The following PRR36 variants were observed in gnomAD, a reference collection of about 807,000 sequenced individuals.
PRR36 encodes the protein proline rich 36, also known as proline-rich protein 36.
A neutral mutation model predicts 58.6 loss-of-function variants in PRR36; 30 were observed. The ratio of observed to expected loss-of-function variants is 0.51; its 90% CI spans 0.38 to 0.69. The LOEUF (loss-of-function observed/expected upper bound fraction) is 0.69. Among genes scored for constraint, PRR36 ranks in the 30% least tolerant of loss-of-function variants. The pLI is 0.00. For synonymous variants in PRR36, 771 were observed against 829.3 expected, an observed-to-expected ratio of 0.93 and a Z score of 1.21; for missense variants, 1,692 against 1,805.6, an observed-to-expected ratio of 0.94 and a Z score of 1.14.
Position 7,872,630 on chromosome 19 carries a change from G to A in PRR36, c.614C>T (p.Pro205Leu). The change falls in exon 5 of 6, where the codon CCC becomes CTC. Residue 205 changes from proline (P) to leucine (L), a missense_variant. Pro to Leu is a moderately conservative substitution (Grantham distance 98, BLOSUM62 -3). This residue lies in a region of PRR36 where 975 missense variants were observed against 955.2 expected (regional missense o/e 1.02). Transcript: ENST00000618550. This position sits in a 1 kb window ranked among gnomAD's most constrained non-coding sequence, Gnocchi z 6.1. ...SARPRPPTEG[P>L]RKSVSSASEH... ...CGAGGCGCTGCTCACTGATTTCCGG[G>A]GGCCCTCTGTCGGGGGCCGTGGCCG... The A allele has an allele frequency of 1.3e-6, 2 of 1,491,734 alleles. No individual in the cohort carries two copies. The highest frequency in any genetic ancestry group is 2.3e-5 in the Admixed American group (1 of 43,628). 92.4% of individuals were successfully genotyped at this position (1,491,734 alleles called of 1,614,324 possible).
chr19:7,872,636 T>C lies in PRR36; in HGVS notation c.608A>G (p.Glu203Gly). Residue 203 changes from glutamate to glycine, a missense_variant, in exon 5 of 6, where the codon GAG (glutamate) becomes GGG (glycine). This residue lies in a region of PRR36 where 975 missense variants were observed against 955.2 expected (regional missense o/e 1.02). Coordinates refer to ENST00000618550, the MANE Select transcript of PRR36 (RefSeq NM_001190467.2). This position sits in a 1 kb window ranked among gnomAD's most constrained non-coding sequence, Gnocchi z 6.1. The stretch of plus-strand genomic sequence containing the variant: ...GCTGCTCACTGATTTCCGGGGGCCC[T>C]CTGTCGGGGGCCGTGGCCGGGCACT... ...APSARPRPPTEGPRKSVSSAS... is the reference protein window; with the variant it reads ...APSARPRPPTGGPRKSVSSAS... 6.7e-7 allele frequency: 1 copy of C among 1,487,452 alleles called. No homozygotes were observed. The highest frequency in any genetic ancestry group is 2.3e-5 in the Admixed American group (1 of 43,386). The allele number at this position is 1,487,452 out of a possible 1,614,324, so 92.1% of individuals were successfully genotyped here. A position where few individuals can be genotyped will look rare whatever the true frequency, so the allele number is the denominator to read the frequency against.
In PRR36 at chr19:7,870,011, C is replaced by T; in HGVS notation, c.3233G>A (p.Arg1078His). The change falls in exon 5 of 6, where the codon CGC (arginine) becomes CAC (histidine). Residue 1078 changes from arginine (R) to histidine (H), a missense_variant. Physicochemically the swap from Arg to His is conservative, Grantham distance 29. Around this residue, in one of 5 missense-constraint regions of PRR36, gnomAD observed 485 missense variants for 549.2 expected, o/e 0.88. Coordinates refer to ENST00000618550, the MANE Select transcript of PRR36 (RefSeq NM_001190467.2). The part of the protein sequence containing the change: ...PPASPTLQAP[R>H]RPPTPGPDTS... ...ATCCGGACCCGGGGTCGGGGGGCGGCGTGGGGCCTGCAGGGTGGGTGAGGC... is the reference window on the plus strand; with the variant it reads ...ATCCGGACCCGGGGTCGGGGGGCGGTGTGGGGCCTGCAGGGTGGGTGAGGC... The T allele has an allele frequency of 7.2e-7, 1 of 1,392,974 alleles. No individual in the cohort carries two copies. The highest frequency in any genetic ancestry group is 3.2e-5 in the Admixed American group (1 of 31,626). The allele number at this position is 1,392,974 out of a possible 1,614,324, so 86.3% of individuals were successfully genotyped here.
In PRR36 at chr19:7,871,695, T is replaced by C. The variant is rs1232652734; in HGVS notation, c.1549A>G (p.Thr517Ala). The C allele has an allele frequency of 1.3e-6, 2 of 1,530,334 alleles. No homozygotes were observed. The highest frequency in any genetic ancestry group is 1.7e-6 in the Non-Finnish European group (2 of 1,145,166). 94.8% of individuals were successfully genotyped at this position (1,530,334 alleles called of 1,614,324 possible). Reference protein sequence around the residue: ...SLQATPHTLATLPLQDSPLLA... With the variant: ...SLQATPHTLAALPLQDSPLLA... ...AGAGGAGAGTCCTGCAGAGGAAGAG[T>C]GGCCAGAGTGTGGGGCGTGGCCTGG... The change falls in exon 5 of 6, where the codon ACT (threonine) becomes GCT (alanine). Residue 517 changes from threonine (T) to alanine (A), a missense_variant. Physicochemically the swap from Thr to Ala is moderately conservative, Grantham distance 58. Coordinates refer to ENST00000618550, the MANE Select transcript of PRR36 (RefSeq NM_001190467.2).
chr19:7,871,232 G>A lies in PRR36; in HGVS notation c.2012C>T (p.Ser671Phe). The A allele has an allele frequency of 6.5e-7, 1 of 1,530,436 alleles. No homozygotes were observed. The allele number at this position is 1,530,436 out of a possible 1,614,324, so 94.8% of individuals were successfully genotyped here. The change falls in exon 5 of 6, where the codon TCT (serine) becomes TTT (phenylalanine). Residue 671 changes from serine (S) to phenylalanine (F), a missense_variant. Transcript: ENST00000618550. ...TAGGGGTGAGACAGCAGGAGAGAGA[G>A]AAGTCTGCAGAGGGGGTGAGGCAGG... ...SLPASPPLQT[S>F]LSPAVSPLSS...
At position 7,869,931 on chromosome 19, in the gene PRR36, G is replaced by C. The variant is rs938641297; in HGVS notation, c.3313C>G (p.Pro1105Ala). Residue 1105 changes from proline to alanine, a missense_variant, in exon 5 of 6, where the codon CCG becomes GCG. Pro to Ala is a conservative substitution (Grantham distance 27). Around this residue, in one of 5 missense-constraint regions of PRR36, gnomAD observed 485 missense variants for 549.2 expected, o/e 0.88. Coordinates refer to ENST00000618550, the MANE Select transcript of PRR36 (RefSeq NM_001190467.2). ...GTGCTGGACGGGCTGCGCGAGGGCG[G>C]CGGCGGCGGGCCGGGGGCCAACGCC... ...TLALAPGPPPPPSRSPSSTLS... is the reference protein window; with the variant it reads ...TLALAPGPPPAPSRSPSSTLS... 8.0e-6 allele frequency: 11 copies of C among 1,367,790 alleles called. No individual in the cohort carries two copies. In the African/African-American group the frequency reaches 1.4e-4, roughly 17 times the overall value. The allele number at this position is 1,367,790 out of a possible 1,614,324, so 84.7% of individuals were successfully genotyped here.
chr19:7,871,753 C>A lies in PRR36; in HGVS notation c.1491G>T (p.Pro497=), dbSNP rs1691959415. Residue 497 remains proline, a synonymous_variant, in exon 5 of 6, where the codon CCG becomes CCT. Transcript: ENST00000618550. ...PGLSALTTPP[P]QASPSPSPPS... is the part of the protein sequence containing the mutation. ...GCGGAGACGGGGAAGGACTGGCCTG[C>A]GGAGGGGGCGTGGTCAGAGCAGAAA... is the stretch of plus-strand genomic sequence containing the variant. 6.5e-7 allele frequency: 1 copy of A among 1,535,122 alleles called. No individual in the cohort carries two copies. The highest frequency in any genetic ancestry group is 8.7e-7 in the Non-Finnish European group (1 of 1,146,628).
chr19:7,869,596 C>A, intron 5 of PRR36, 52 bp from the exon 6 acceptor site: 1 of 1,493,350 alleles, frequency 6.7e-7, no homozygotes, highest in Non-Finnish European at 8.9e-7. Context: ...CCCGCCCCTG[C>A]CTCAAGGTCC....
chr19:7,870,747 GA>G lies in PRR36; in HGVS notation c.2496del (p.Leu833CysfsTer89). 4 of 1,324,266 alleles carry G rather than the reference GA, an allele frequency of 3.0e-6. No individual in the cohort carries two copies. Among genetic ancestry groups the G allele is most frequent in the Non-Finnish European group, 3.9e-6 (4 of 1,033,738 alleles). The allele number at this position is 1,324,266 out of a possible 1,614,324, so 82.0% of individuals were successfully genotyped here. Reference sequence around the variant, plus strand: ...GGAGGGGGCGTGGCCAAAGGAGACAGAGGGGGAGAGGGCAGGCCCTGCAAAG... The same window carrying G: ...GGAGGGGGCGTGGCCAAAGGAGACAGGGGGGAGAGGGCAGGCCCTGCAAAG... ...SPPLQGLPSPPLSPLATPPPQ... is the reference protein window; with the variant it reads ...SPPLQGLPSPXLSPLATPPPQ... On this transcript the variant is annotated frameshift_variant, in exon 5 of 6. Coordinates refer to ENST00000618550, the MANE Select transcript of PRR36 (RefSeq NM_001190467.2). LOFTEE classifies it high-confidence loss of function.
chr19:7,870,708 C>T lies in PRR36; in HGVS notation c.2536G>A (p.Ala846Thr). Residue 846 changes from alanine (A) to threonine (T), a missense_variant, in exon 5 of 6, where the codon GCC becomes ACC. Transcript: ENST00000618550. The stretch of plus-strand genomic sequence containing the variant: ...GCCTGCAGAGGAGGCAAGGCCAGGG[C>T]AGGTGGGGCCTGTGGAGGGGGCGTG... ...LATPPPQAPP[A>T]LALPPLQAPP... is the part of the protein sequence containing the mutation. The T allele has an allele frequency of 3.8e-6, 4 of 1,040,944 alleles. No homozygotes were observed. The highest frequency in any genetic ancestry group is 4.5e-6 in the Non-Finnish European group (4 of 880,286). The allele number at this position is 1,040,944 out of a possible 1,614,324, so 64.5% of individuals were successfully genotyped here. A position where few individuals can be genotyped will look rare whatever the true frequency, so the allele number is the denominator to read the frequency against.
At chr19:7,869,636 C>A (rs1320535020) in intron 5 of PRR36, 79 bp downstream of exon 5, 12 of 1,433,668 alleles carry the variant, frequency 8.4e-6, no homozygotes, top group Non-Finnish European at 1.1e-5. Context: ...CGCCCCGGAC[C>A]CAGCTGTCCC....
rs989800013 is a variant in PRR36 at position 7,871,958 on chromosome 19, G to T, written c.1286C>A (p.Ser429Tyr). Residue 429 changes from serine to tyrosine, a missense_variant, in exon 5 of 6, where the codon TCC (serine) becomes TAC (tyrosine). Physicochemically the swap from Ser to Tyr is moderately radical, Grantham distance 144. Transcript: ENST00000618550. ...FVASVSPSVS[S>Y]PLQSMPPTQA... ...GGTGGGGGGCATACTCTGCAGAGGG[G>T]ATGAAACTGATGGAGAGACTGAAGC... 2 of 1,535,796 alleles carry T rather than the reference G, an allele frequency of 1.3e-6. No homozygotes were observed. The highest frequency in any genetic ancestry group is 2.0e-5 in the Admixed American group (1 of 50,964).
Position 7,869,719 on chromosome 19 carries a change from G to T in PRR36, c.3525C>A (p.Ala1175=), listed in dbSNP as rs1980285412. 1 of 1,344,710 alleles carries T rather than the reference G, an allele frequency of 7.4e-7. No homozygotes were observed. Among genetic ancestry groups the T allele is most frequent in the African/African-American group, 1.5e-5 (1 of 65,058 alleles). The allele number at this position is 1,344,710 out of a possible 1,614,324, so 83.3% of individuals were successfully genotyped here. A position where few individuals can be genotyped will look rare whatever the true frequency, so the allele number is the denominator to read the frequency against. ...GPAPPLAFRG[A]PGAPLPWPPA... ...CGGGTCTGGGGTGCCCCTTACCTGGGGCTCCGCGGAAAGCCAGCGGCGGAG... is the reference window on the plus strand; with the variant it reads ...CGGGTCTGGGGTGCCCCTTACCTGGTGCTCCGCGGAAAGCCAGCGGCGGAG... Residue 1175 remains alanine, a synonymous_variant, in exon 5 of 6, where the codon GCC becomes GCA. Coordinates refer to ENST00000618550, the MANE Select transcript of PRR36 (RefSeq NM_001190467.2).
Position 7,873,827 on chromosome 19 carries a change from C to A in PRR36, c.-7-131G>T. The A allele has an allele frequency of 1.1e-6, 1 of 873,146 alleles. No homozygotes were observed. The highest frequency in any genetic ancestry group is 1.7e-6 in the Non-Finnish European group (1 of 597,692). 54.1% of individuals were successfully genotyped at this position (873,146 alleles called of 1,614,324 possible). A position where few individuals can be genotyped will look rare whatever the true frequency, so the allele number is the denominator to read the frequency against. ...GACACTCAAACCTCGGCCTCGGCTTCCATCCGCTCGGCTCCCACGCACCTA... is the reference window on the plus strand; with the variant it reads ...GACACTCAAACCTCGGCCTCGGCTTACATCCGCTCGGCTCCCACGCACCTA... On this transcript the variant is annotated intron_variant, in intron 1 of 5. Transcript: ENST00000618550. This position sits in a 1 kb window ranked among gnomAD's most constrained non-coding sequence, Gnocchi z 5.0.
At position 7,871,556 on chromosome 19, in the gene PRR36, G is replaced by A. The variant is rs773347126; in HGVS notation, c.1688C>T (p.Pro563Leu). Residue 563 changes from proline (P) to leucine (L), a missense_variant, in exon 5 of 6, where the codon CCC (proline) becomes CTC (leucine). Pro to Leu is a moderately conservative substitution (Grantham distance 98). Around this residue, in one of 5 missense-constraint regions of PRR36, gnomAD observed 975 missense variants for 955.2 expected, o/e 1.02. Coordinates refer to ENST00000618550, the MANE Select transcript of PRR36 (RefSeq NM_001190467.2). ...CATAGAAGGTGGGGCCTGTGGGTGG[G>A]GCGGAGCCTGCAGAGGCGGTGAGGC... Reference protein sequence around the residue: ...LLASPPLQAPPHPQAPPSMTT... With the variant: ...LLASPPLQAPLHPQAPPSMTT... 250 of 1,535,094 alleles carry A rather than the reference G, an allele frequency of 1.6e-4. 1 individual carries two copies. Among genetic ancestry groups the A allele is most frequent in the Non-Finnish European group, 1.0e-4 (116 of 1,146,696 alleles).
In PRR36 at chr19:7,871,212, G is replaced by A. The variant is rs1241020775; in HGVS notation, c.2032C>T (p.Pro678Ser). ...TGTATGGTCAGGGGTGAGCTTAGGG[G>A]TGAGACAGCAGGAGAGAGAGAAGTC... ...LQTSLSPAVS[P>S]LSSPLTIHPL... Residue 678 changes from proline to serine, a missense_variant, in exon 5 of 6, where the codon CCC (proline) becomes TCC (serine). Coordinates refer to ENST00000618550, the MANE Select transcript of PRR36 (RefSeq NM_001190467.2). The A allele has an allele frequency of 6.5e-7, 1 of 1,534,252 alleles. No individual in the cohort carries two copies. The highest frequency in any genetic ancestry group is 1.4e-5 in the African/African-American group (1 of 72,340).
rs1238337955 is a variant in PRR36, at chr19:7,871,971, G to T, written c.1273C>A (p.Pro425Thr). The change falls in exon 5 of 6, where the codon CCA becomes ACA. Residue 425 changes from proline to threonine, a missense_variant. Pro to Thr is a conservative substitution (Grantham distance 38). Coordinates refer to ENST00000618550, the MANE Select transcript of PRR36 (RefSeq NM_001190467.2). ...CTCTGCAGAGGGGATGAAACTGATGGAGAGACTGAAGCCACAAAAGCGGCT... is the reference window on the plus strand; with the variant it reads ...CTCTGCAGAGGGGATGAAACTGATGTAGAGACTGAAGCCACAAAAGCGGCT... Reference protein sequence around the residue: ...ATAAFVASVSPSVSSPLQSMP... With the variant: ...ATAAFVASVSTSVSSPLQSMP... 17 of 1,535,680 alleles carry T rather than the reference G, an allele frequency of 1.1e-5. No homozygotes were observed. The highest frequency in any genetic ancestry group is 1.5e-5 in the Non-Finnish European group (17 of 1,146,862).
Position 7,869,008 on chromosome 19 carries a change from G to A in PRR36, c.*25C>T. The A allele has an allele frequency of 6.7e-7, 1 of 1,486,288 alleles. No individual in the cohort carries two copies. The highest frequency in any genetic ancestry group is 8.9e-7 in the Non-Finnish European group (1 of 1,120,106). The allele number at this position is 1,486,288 out of a possible 1,614,324, so 92.1% of individuals were successfully genotyped here. Reference sequence around the variant, plus strand: ...GCGGATCCTAAGGCAGGGGTGGGGTGTAGCAGGCGGGGCTGTGGTCTGGCT... The same window carrying A: ...GCGGATCCTAAGGCAGGGGTGGGGTATAGCAGGCGGGGCTGTGGTCTGGCT... On this transcript the variant is annotated 3_prime_UTR_variant, in exon 6 of 6. Transcript: ENST00000618550.
Position 7,871,553 on chromosome 19 carries a change from T to G in PRR36, c.1691A>C (p.His564Pro). 2.0e-6 allele frequency: 3 copies of G among 1,518,202 alleles called. No individual in the cohort carries two copies. The highest frequency in any genetic ancestry group is 2.0e-5 in the Admixed American group (1 of 49,392). The allele number at this position is 1,518,202 out of a possible 1,614,324, so 94.0% of individuals were successfully genotyped here. Residue 564 changes from histidine to proline, a missense_variant, in exon 5 of 6, where the codon CAC becomes CCC. By Grantham distance (77) the His-to-Pro change is moderately conservative (BLOSUM62 -2). Transcript: ENST00000618550. Reference protein sequence around the residue: ...LASPPLQAPPHPQAPPSMTTP... With the variant: ...LASPPLQAPPPPQAPPSMTTP... ...AGTCATAGAAGGTGGGGCCTGTGGG[T>G]GGGGCGGAGCCTGCAGAGGCGGTGA...
In PRR36 at chr19:7,871,229, A is replaced by G. The variant is rs1411188378; in HGVS notation, c.2015T>C (p.Leu672Pro). 55 of 1,493,400 alleles carry G rather than the reference A, an allele frequency of 3.7e-5. No individual in the cohort carries two copies. Among genetic ancestry groups the G allele is most frequent in the Non-Finnish European group, 4.8e-5 (54 of 1,129,152 alleles). 92.5% of individuals were successfully genotyped at this position (1,493,400 alleles called of 1,614,324 possible). A position where few individuals can be genotyped will look rare whatever the true frequency, so the allele number is the denominator to read the frequency against. The stretch of plus-strand genomic sequence containing the variant: ...GCTTAGGGGTGAGACAGCAGGAGAG[A>G]GAGAAGTCTGCAGAGGGGGTGAGGC... The part of the protein sequence containing the change: ...LPASPPLQTS[L>P]SPAVSPLSSP... The change falls in exon 5 of 6, where the codon CTC (leucine) becomes CCC (proline). Residue 672 changes from leucine (L) to proline (P), a missense_variant. By Grantham distance (98) the Leu-to-Pro change is moderately conservative. Around this residue, in one of 5 missense-constraint regions of PRR36, gnomAD observed 975 missense variants for 955.2 expected, o/e 1.02. Coordinates refer to ENST00000618550, the MANE Select transcript of PRR36 (RefSeq NM_001190467.2).
Sources: gnomAD v4.1 joint callset for allele counts on GRCh38, gnomAD v4.1.1 for gene constraint, gnomAD v4.1.1 regional missense constraint, Gnocchi (gnomAD v3.1) non-coding constraint, MANE v1.5 for transcripts, NCBI Gene and HGNC (gene_info 2026-07-23, HGNC 2026-07-21) for gene names.